The following IGF1R variants were observed in gnomAD, a reference collection of about 807,000 sequenced individuals.
IGF1R encodes insulin-like growth factor 1 receptor.
IGF1R carries 44 observed loss-of-function variants against 144.6 expected under a neutral mutation model. The observed-to-expected ratio is 0.30, with a 90% CI of 0.24 to 0.39. IGF1R has a LOEUF of 0.39. IGF1R is among the 10% of genes least tolerant of loss of function. The probability of loss-of-function intolerance (pLI) is 1.00; values close to 1 mark genes in which losing one functional copy is unlikely to be tolerated. For synonymous variants in IGF1R, 795 were observed against 722.8 expected, an observed-to-expected ratio of 1.10 and a Z score of -1.60; for missense variants, 1,355 against 1,833.7, an observed-to-expected ratio of 0.74 and a Z score of 4.77.
In IGF1R at chr15:98,962,074, G is replaced by A. The variant is rs932013524; in HGVS notation, c.*4632G>A. The A allele has an allele frequency of 2.1e-5, 5 of 233,222 alleles. No homozygotes were observed. Among genetic ancestry groups the A allele is most frequent in the African/African-American group, 8.8e-5 (4 of 45,350 alleles). The allele number at this position is 233,222 out of a possible 1,614,324, so 14.4% of individuals were successfully genotyped here. Reference sequence around the variant, plus strand: ...GCTTTTCCCACAGCAGTCCACCTCTGCAGGCTGGCAGCCGAATGGCTTGCC... The same window carrying A: ...GCTTTTCCCACAGCAGTCCACCTCTACAGGCTGGCAGCCGAATGGCTTGCC... On this transcript the variant is annotated 3_prime_UTR_variant, in exon 21 of 21. Coordinates refer to ENST00000650285, the MANE Select transcript of IGF1R (RefSeq NM_000875.5).
intron 2 of IGF1R, among the ~76,000 whole-genome samples, chr15:98,861,809 A>G (rs2012172618): frequency 6.6e-6 from 1 of 152,226 alleles, no homozygotes; most frequent in South Asian, 2.1e-4. Flanking sequence ...TCCTTTCAGT[A>G]ATACTGCCTA....
intron 2 of IGF1R, among the ~76,000 whole-genome samples, chr15:98,839,642 G>A (rs1192678760): frequency 6.6e-6 from 1 of 152,184 alleles, no homozygotes; most frequent in East Asian, 1.9e-4. Context: ...TACCCTGGAT[G>A]GTGGAGCTGG....
chr15:98,876,806 C>T (rs1322659237), intron 2 of IGF1R, among the ~76,000 whole-genome samples: 3 of 152,146 alleles, frequency 2.0e-5, no homozygotes, highest in African/African-American at 2.4e-5. Flanking sequence ...ATTCTGTTAA[C>T]GAGAATGTAT....
intron 2 of IGF1R, among the ~76,000 whole-genome samples, chr15:98,884,442 C>A (rs1160347915): frequency 6.6e-6 from 1 of 152,170 alleles, no homozygotes; most frequent in East Asian, 1.9e-4. Flanking sequence ...CACCTGTAAT[C>A]CCAGCACTTT....
At chr15:98,728,691 C>T (rs1033498070) in intron 2 of IGF1R, among the ~76,000 whole-genome samples, 1 of 152,270 alleles carries the variant, frequency 6.6e-6, no homozygotes, top group African/African-American at 2.4e-5. Context: ...ATCGCTTCTT[C>T]ATCCTAGCTC....
intron 1 of IGF1R, among the ~76,000 whole-genome samples, chr15:98,681,285 A>C (rs567517825): frequency 6.6e-6 from 1 of 152,108 alleles, no homozygotes; most frequent in African/African-American, 2.4e-5. Context: ...CTTGTTTCGC[A>C]TGTCTACCTG....
At chr15:98,795,453 T>C (rs1461777977) in intron 2 of IGF1R, among the ~76,000 whole-genome samples, 1 of 149,546 alleles carries the variant, frequency 6.7e-6, no homozygotes, top group Non-Finnish European at 1.5e-5. Flanking sequence ...CTCACTCTGT[T>C]GCCCAGGCTG....
At chr15:98,892,554 C>T (rs916347145) in intron 3 of IGF1R, among the ~76,000 whole-genome samples, 1 of 148,798 alleles carries the variant, frequency 6.7e-6, no homozygotes, top group African/African-American at 2.5e-5. Context: ...AAGAGAAGTT[C>T]GTTATAACAA....
chr15:98,712,627 GAGAA>G (rs2054019425), intron 2 of IGF1R, among the ~76,000 whole-genome samples: 2 of 141,672 alleles, frequency 1.4e-5, no homozygotes, highest in Non-Finnish European at 3.1e-5. Flanking sequence ...TTTTTTTTTG[GAGAA>G]AGAGTCTTAC....
chr15:98,757,048 G>T (rs2055172950), intron 2 of IGF1R, among the ~76,000 whole-genome samples: 2 of 152,164 alleles, frequency 1.3e-5, no homozygotes. Flanking sequence ...TTGGTAAAAT[G>T]CAAAGGTTTT....
At chr15:98,813,208 G>C (rs1224116844) in intron 2 of IGF1R, among the ~76,000 whole-genome samples, 1 of 152,152 alleles carries the variant, frequency 6.6e-6, no homozygotes, top group African/African-American at 2.4e-5. Flanking sequence ...GGGTTAGCCA[G>C]TTCCTAGGTA....
intron 2 of IGF1R, among the ~76,000 whole-genome samples, chr15:98,848,171 G>A (rs75750762): frequency 0.026 from 3,961 of 152,240 alleles, 68 homozygotes; most frequent in Non-Finnish European, 0.043. Flanking sequence ...ATTTCAAGTT[G>A]GAACCTCTAG....
At chr15:98,731,788 G>T (rs980862318) in intron 2 of IGF1R, among the ~76,000 whole-genome samples, 1 of 152,176 alleles carries the variant, frequency 6.6e-6, no homozygotes, top group Non-Finnish European at 1.5e-5. Flanking sequence ...GCCGTGAGCC[G>T]GTTGGTCTAG....
chr15:98,766,048 G>T (rs902722483), intron 2 of IGF1R, among the ~76,000 whole-genome samples: 1 of 152,202 alleles, frequency 6.6e-6, no homozygotes, highest in African/African-American at 2.4e-5. Context: ...TCTACAGACT[G>T]CAGGGCTTGG....
At chr15:98,902,202 G>C (rs1215568388) in intron 5 of IGF1R, among the ~76,000 whole-genome samples, 1 of 152,076 alleles carries the variant, frequency 6.6e-6, no homozygotes, top group African/African-American at 2.4e-5. Context: ...TTTGGGGTTA[G>C]GATCCAGGAA....
Position 98,753,635 on chromosome 15 carries a change from AAG to A in IGF1R, c.640+45530_640+45531del, listed in dbSNP as rs1211689878. On this transcript the variant is annotated intron_variant, in intron 2 of 20. Transcript: ENST00000650285. ...ATAAAGTTAATTGGATTTTATACAA[AAG>A]AAGCTTTTGACTCATTTCATTTAGC... is the stretch of plus-strand genomic sequence containing the variant. 2.0e-5 allele frequency among the ~76,000 whole-genome samples: 3 copies of A among 152,202 alleles called. No individual in the cohort carries two copies. The East Asian group carries it at 5.8e-4, about 29-fold the overall frequency.
chr15:98,788,050 C>CTGTGTGTG (rs1171190613), intron 2 of IGF1R, among the ~76,000 whole-genome samples: 1 of 138,268 alleles, frequency 7.2e-6, no homozygotes, highest in African/African-American at 3.2e-5. Flanking sequence ...CTCTCTCTCT[C>CTGTGTGTG]TCTCTCTCTC....
chr15:98,774,514 C>T (rs1416769252), intron 2 of IGF1R, among the ~76,000 whole-genome samples: 2 of 152,038 alleles, frequency 1.3e-5, no homozygotes, highest in African/African-American at 4.8e-5. Context: ...TTATTCAGTC[C>T]TAAAAAGGAA....
intron 1 of IGF1R, among the ~76,000 whole-genome samples, chr15:98,666,562 A>G (rs2052743356): frequency 6.6e-6 from 1 of 152,246 alleles, no homozygotes; most frequent in African/African-American, 2.4e-5. Context: ...TTAAAAAGGA[A>G]GGAAATTCTA....
Sources: allele counts gnomAD v4.1 joint callset (sites outside exome capture counted in the v4.1 genomes callset), GRCh38; gene constraint gnomAD v4.1.1; transcripts MANE v1.5; gene names NCBI Gene and HGNC (gene_info 2026-07-23, HGNC 2026-07-21).